HYDIN: variants seen among roughly 807,000 people sequenced by gnomAD.
HYDIN encodes the protein HYDIN axonemal central pair apparatus protein.
A neutral mutation model predicts 403.9 loss-of-function variants in HYDIN; 132 were observed. The ratio of observed to expected loss-of-function variants is 0.33; its 90% CI spans 0.28 to 0.38. HYDIN has a LOEUF of 0.38. Among genes scored for constraint, HYDIN ranks in the 10% least tolerant of loss-of-function variants. The pLI, the probability that HYDIN is intolerant of heterozygous loss-of-function variation, is 1.00. For synonymous variants in HYDIN, 1,202 were observed against 1,891.7 expected (o/e 0.64, Z 9.46); for missense variants, 2,827 against 5,009.5 (o/e 0.56, Z 13.15).
intron 41 of HYDIN, among the ~76,000 whole-genome samples, chr16:70,950,938 G>A (rs888801794): frequency 1.3e-5 from 2 of 152,178 alleles, no homozygotes; most frequent in African/African-American, 2.4e-5. Flanking sequence ...GGTCCACTTA[G>A]AGAAATCTTG....
chr16:71,010,153 C>T (rs2080031686), intron 23 of HYDIN, among the ~76,000 whole-genome samples: 1 of 145,376 alleles, frequency 6.9e-6, no homozygotes, highest in Non-Finnish European at 1.5e-5. Context: ...GGCTGTGGCC[C>T]CTGATTCTGT....
At chr16:70,881,273 G>C (rs1224097798) in intron 60 of HYDIN, among the ~76,000 whole-genome samples, 1 of 135,878 alleles carries the variant, frequency 7.4e-6, no homozygotes, top group Non-Finnish European at 1.5e-5. Context: ...TATGTTTTTA[G>C]TACAGAAGAG....
In HYDIN at chr16:70,882,865, A is replaced by G. The variant is rs2040896119; in HGVS notation, c.10010T>C (p.Phe3337Ser). 6.3e-7 allele frequency: 1 copy of G among 1,581,168 alleles called. No homozygotes were observed. Among genetic ancestry groups the G allele is most frequent in the Non-Finnish European group, 8.7e-7 (1 of 1,150,616 alleles). Residue 3337 changes from phenylalanine (F) to serine (S), a missense_variant, in exon 60 of 86, where the codon TTT (phenylalanine) becomes TCT (serine). Transcript: ENST00000393567. ...AFVTENNALIFEEHQICTSAN... is the reference protein window; with the variant it reads ...AFVTENNALISEEHQICTSAN... ...ACTGGTACATATCTGGTGCTCTTCA[A>G]ATATCAAGGCATTGTTTTCGGTCAC...
chr16:70,996,036 A>G (rs1229554064), intron 23 of HYDIN, among the ~76,000 whole-genome samples: 2 of 149,928 alleles, frequency 1.3e-5, no homozygotes, highest in Admixed American at 1.3e-4. Context: ...GGTATGACTT[A>G]TAGGAAGGAG....
At chr16:71,104,175 A>G (rs1340708262) in intron 10 of HYDIN, among the ~76,000 whole-genome samples, 2 of 151,778 alleles carry the variant, frequency 1.3e-5, no homozygotes, top group Non-Finnish European at 2.9e-5. Flanking sequence ...TTTTGATTCA[A>G]TAAAACATAT....
At chr16:70,985,066 G>A in intron 28 of HYDIN, 119 bp downstream of exon 28, 1 of 937,986 alleles carries the variant, frequency 1.1e-6, no homozygotes, top group Non-Finnish European at 1.5e-6. Flanking sequence ...CTGCTTCCGA[G>A]AGTTCTTTAG....
chr16:71,230,441 C>CT (rs946779351), intron 1 of HYDIN, 121 bp downstream of exon 1: 8 of 1,223,522 alleles, frequency 6.5e-6, no homozygotes, highest in African/African-American at 1.5e-5. Flanking sequence ...GGGGAGGGGT[C>CT]TGGAAAGTCT....
chr16:70,947,741 C>A (rs948866017), intron 41 of HYDIN, among the ~76,000 whole-genome samples: 41 of 152,228 alleles, frequency 2.7e-4, no homozygotes, highest in East Asian at 1.7e-3. Context: ...TAGGAATCCA[C>A]CTTACAAGGG....
At chr16:71,228,828 A>G (rs1275335726) in intron 1 of HYDIN, among the ~76,000 whole-genome samples, 4 of 152,210 alleles carry the variant, frequency 2.6e-5, no homozygotes, top group African/African-American at 9.6e-5. Context: ...AGGATTATAA[A>G]TCATGCTGCT....
intron 16 of HYDIN, among the ~76,000 whole-genome samples, chr16:71,063,817 A>G (rs1414310992): frequency 6.6e-6 from 1 of 152,128 alleles, no homozygotes; most frequent in Non-Finnish European, 1.5e-5. Flanking sequence ...CATTTTGGTT[A>G]CTGCGAACAT....
chr16:70,967,521 G>A (rs775858061), intron 36 of HYDIN, among the ~76,000 whole-genome samples: 6 of 150,392 alleles, frequency 4.0e-5, no homozygotes, highest in African/African-American at 7.4e-5. Context: ...TCGCTCTGTC[G>A]CCCAGGCTGG....
chr16:71,064,904 A>T (rs2082208245), intron 15 of HYDIN, 64 bp from the exon 16 acceptor site: 7 of 1,582,548 alleles, frequency 4.4e-6, no homozygotes, highest in Admixed American at 3.5e-5. Context: ...GAAAACGCAG[A>T]GCCCCAAGCG....
chr16:70,927,891 A>C (rs1329252269), intron 45 of HYDIN, among the ~76,000 whole-genome samples: 1 of 152,192 alleles, frequency 6.6e-6, no homozygotes, highest in Admixed American at 6.5e-5. Flanking sequence ...ATCAAGGTGA[A>C]GTAAAGACAT....
intron 78 of HYDIN, among the ~76,000 whole-genome samples, chr16:70,835,304 T>C (rs1420392947): frequency 6.6e-6 from 1 of 152,024 alleles, no homozygotes; most frequent in East Asian, 1.9e-4. Context: ...CCTAGGAATG[T>C]ATCTTAAGCA....
At chr16:70,969,183 G>A (rs570843031) in intron 36 of HYDIN, among the ~76,000 whole-genome samples, 1 of 151,826 alleles carries the variant, frequency 6.6e-6, no homozygotes, top group East Asian at 1.9e-4. Context: ...TTTGAGCCCT[G>A]GAAGGAGAGT....
intron 29 of HYDIN, among the ~76,000 whole-genome samples, chr16:70,981,009 T>C (rs1197700515): frequency 6.6e-6 from 1 of 151,878 alleles, no homozygotes; most frequent in Non-Finnish European, 1.5e-5. Flanking sequence ...ACTTTGAGAA[T>C]TCTACTCCTG....
At chr16:71,215,067 T>C (rs1487591148) in intron 1 of HYDIN, among the ~76,000 whole-genome samples, 2 of 152,280 alleles carry the variant, frequency 1.3e-5, no homozygotes, top group East Asian at 1.9e-4. Context: ...AAGGAAACTA[T>C]CACAGACTGT....
In HYDIN at chr16:70,860,679, A is replaced by G; in HGVS notation, c.11990+10T>C. The stretch of plus-strand genomic sequence containing the variant: ...TGTGAATTCAATCAATGTAAACCTA[A>G]GCAACTCACCGGAGATTCTTCCCTC... On this transcript the variant is annotated intron_variant, in intron 70 of 85. Coordinates refer to ENST00000393567, the MANE Select transcript of HYDIN (RefSeq NM_001270974.2). The G allele has an allele frequency of 1.9e-6, 1 of 531,018 alleles. No homozygotes were observed. The highest frequency in any genetic ancestry group is 3.2e-6 in the Non-Finnish European group (1 of 311,620). The allele number at this position is 531,018 out of a possible 1,614,324, so 32.9% of individuals were successfully genotyped here. A position where few individuals can be genotyped will look rare whatever the true frequency, so the allele number is the denominator to read the frequency against.
chr16:70,899,340 ATATTCT>A (rs1181630156), intron 53 of HYDIN, among the ~76,000 whole-genome samples: 22 of 149,034 alleles, frequency 1.5e-4, no homozygotes, highest in Non-Finnish European at 2.7e-4. Flanking sequence ...CCAATGATAA[ATATTCT>A]TATAAGAGAC....
Sources: gnomAD v4.1 joint callset for allele counts (sites outside exome capture counted in the v4.1 genomes callset) on GRCh38, gnomAD v4.1.1 for gene constraint, MANE v1.5 for transcripts, NCBI Gene and HGNC (gene_info 2026-07-23, HGNC 2026-07-21) for gene names.